Variants in SIL1 observed in about 807,000 individuals in gnomAD.
The protein encoded by SIL1 is SIL1 nucleotide exchange factor.
In SIL1, 40 loss-of-function variants were observed where a neutral mutation model predicts 49.1. The ratio of observed to expected loss-of-function variants is 0.81; its 90% CI spans 0.63 to 1.06. The LOEUF is 1.06. Among genes scored for constraint, SIL1 ranks in the 50% least tolerant of loss-of-function variants. The pLI, the probability that SIL1 is intolerant of heterozygous loss-of-function variation, is 0.00. For synonymous variants in SIL1, 253 were observed against 250.8 expected, an observed-to-expected ratio of 1.01 and a Z score of -0.08; for missense variants, 500 against 572.6, an observed-to-expected ratio of 0.87 and a Z score of 1.29.
At chr5:139,041,191 TGCGA>T (rs2150445225) in intron 5 of SIL1, among the ~76,000 whole-genome samples, 1 of 152,300 alleles carries the variant, frequency 6.6e-6, no homozygotes, top group South Asian at 2.1e-4. Context: ...AGGACACAAT[TGCGA>T]GCATTGCCTT....
chr5:139,055,973 C>A (rs1228977350), intron 3 of SIL1, among the ~76,000 whole-genome samples: 1 of 152,086 alleles, frequency 6.6e-6, no homozygotes, highest in Non-Finnish European at 1.5e-5. Flanking sequence ...TCACTCAGTG[C>A]TCAATGGTGC....
chr5:139,113,498 T>C (rs1185943774), intron 3 of SIL1, among the ~76,000 whole-genome samples: 2 of 151,216 alleles, frequency 1.3e-5, no homozygotes, highest in Non-Finnish European at 2.9e-5. Context: ...AGATATACTC[T>C]CACTTCAGGT....
chr5:139,095,517 C>T (rs1770440073), intron 3 of SIL1, among the ~76,000 whole-genome samples: 1 of 152,216 alleles, frequency 6.6e-6, no homozygotes, highest in Admixed American at 6.5e-5. Flanking sequence ...TTGCCTTGGC[C>T]TCTCAAACTG....
At chr5:139,091,850 C>T (rs895327075) in intron 3 of SIL1, among the ~76,000 whole-genome samples, 7 of 152,142 alleles carry the variant, frequency 4.6e-5, no homozygotes, top group African/African-American at 9.7e-5. Flanking sequence ...ATAAATGAGA[C>T]GGTGTTTGAA....
chr5:139,197,286 A>C (rs952086588), intron 1 of SIL1, among the ~76,000 whole-genome samples: 4 of 151,706 alleles, frequency 2.6e-5, no homozygotes, highest in East Asian at 3.9e-4. Flanking sequence ...AAAAAAAAAA[A>C]AAAAAACTGT....
At chr5:139,111,455 C>G (rs1401793897) in intron 3 of SIL1, among the ~76,000 whole-genome samples, 1 of 152,162 alleles carries the variant, frequency 6.6e-6, no homozygotes, top group Non-Finnish European at 1.5e-5. Context: ...CAGAAAACCT[C>G]TCTCCATCCA....
rs192052566 is a variant in SIL1, at chr5:139,021,072, T to G, written c.767+99A>C. The G allele has an allele frequency of 2.9e-5, 44 of 1,539,600 alleles. No individual in the cohort carries two copies. The East Asian group carries it at 9.9e-4, about 35-fold the overall frequency. On this transcript the variant is annotated intron_variant, in intron 7 of 9. Coordinates refer to ENST00000394817, the MANE Select transcript of SIL1 (RefSeq NM_022464.5). ...TACTCTAGTTTCATTGAGATGACACTGAAATGTCAGTAGCAACAGGCACAT... is the reference window on the plus strand; with the variant it reads ...TACTCTAGTTTCATTGAGATGACACGGAAATGTCAGTAGCAACAGGCACAT...
intron 3 of SIL1, 45 bp downstream of exon 3, chr5:139,120,990 T>C (rs373255625): frequency 1.2e-6 from 2 of 1,612,314 alleles, no homozygotes; most frequent in African/African-American, 2.7e-5. Flanking sequence ...CATATGCAGT[T>C]TGAATTCAAA....
At chr5:139,059,002 G>C (rs1769523822) in intron 3 of SIL1, among the ~76,000 whole-genome samples, 1 of 138,016 alleles carries the variant, frequency 7.2e-6, no homozygotes, top group Non-Finnish European at 1.5e-5. Context: ...AAATACCTTA[G>C]ACTGGGTAAT....
At chr5:138,950,450 G>C (rs56317268) in intron 9 of SIL1, among the ~76,000 whole-genome samples, 11,134 of 152,242 alleles carry the variant, frequency 0.073, 1,329 homozygotes, top group African/African-American at 0.25. Flanking sequence ...GTGTGCAGAG[G>C]GAGTGAGGGG....
intron 7 of SIL1, among the ~76,000 whole-genome samples, chr5:138,960,658 G>A (rs551905137): frequency 6.6e-6 from 1 of 152,298 alleles, no homozygotes; most frequent in East Asian, 1.9e-4. Flanking sequence ...GTTTTGCCAT[G>A]TTGGCCAGGC....
At chr5:139,169,021 T>C (rs1013731121) in intron 1 of SIL1, among the ~76,000 whole-genome samples, 2 of 151,626 alleles carry the variant, frequency 1.3e-5, no homozygotes, top group East Asian at 1.9e-4. Flanking sequence ...TCATGCATGC[T>C]TGTAGTCCCA....
chr5:139,158,029 G>A (rs189621732), intron 1 of SIL1, among the ~76,000 whole-genome samples: 276 of 152,214 alleles, frequency 1.8e-3, no homozygotes, highest in Non-Finnish European at 2.9e-3. Context: ...AACAATTATA[G>A]CTAACATTTA....
At chr5:138,984,972 C>T (rs1001699995) in intron 7 of SIL1, among the ~76,000 whole-genome samples, 2 of 152,210 alleles carry the variant, frequency 1.3e-5, no homozygotes, top group African/African-American at 2.4e-5. Context: ...CCTGGCACAA[C>T]GGCAGCAGTG....
chr5:139,116,290 TG>T (rs1770986139), intron 3 of SIL1, among the ~76,000 whole-genome samples: 2 of 152,260 alleles, frequency 1.3e-5, no homozygotes. Flanking sequence ...CATCAGTTGT[TG>T]ATGATTTGGA....
At chr5:138,950,155 G>T (rs1322467843) in intron 9 of SIL1, among the ~76,000 whole-genome samples, 1 of 152,180 alleles carries the variant, frequency 6.6e-6, no homozygotes, top group Non-Finnish European at 1.5e-5. Flanking sequence ...ACACACCCAA[G>T]ACACCAGAGA....
chr5:138,983,868 C>T (rs974365885), intron 7 of SIL1, among the ~76,000 whole-genome samples: 1 of 152,136 alleles, frequency 6.6e-6, no homozygotes, highest in African/African-American at 2.4e-5. Context: ...CTGCTGGAAA[C>T]AGCTCATCCA....
chr5:139,178,745 A>C (rs188166008), intron 1 of SIL1, among the ~76,000 whole-genome samples: 9 of 152,202 alleles, frequency 5.9e-5, no homozygotes, highest in Admixed American at 5.2e-4. Context: ...TCTTTCTTTC[A>C]ATACACTTAT....
At chr5:139,196,663 A>G (rs1233552843) in intron 1 of SIL1, 1 of 152,212 alleles carries the variant, frequency 6.6e-6, no homozygotes, top group Non-Finnish European at 1.5e-5. Flanking sequence ...TCTATTGCCA[A>G]TTTCATTAAA....
Sources: allele counts gnomAD v4.1 joint callset (sites outside exome capture counted in the v4.1 genomes callset), GRCh38; gene constraint gnomAD v4.1.1; transcripts MANE v1.5; gene names NCBI Gene and HGNC (gene_info 2026-07-23, HGNC 2026-07-21).